Variants in MYOF observed in about 807,000 individuals in gnomAD.
The protein encoded by MYOF is fer-1-like 3, myoferlin.
In MYOF, 244 loss-of-function variants were observed where a neutral mutation model predicts 284.2. The observed-to-expected ratio is 0.86, with a 90% confidence interval of 0.77 to 0.95. MYOF has a LOEUF of 0.95. Among genes scored for constraint, MYOF ranks in the 40% least tolerant of loss-of-function variants. The probability of loss-of-function intolerance (pLI) is 0.00; values close to 1 mark genes in which losing one functional copy is unlikely to be tolerated. For missense variants in MYOF, 2,496 were observed against 2,560.6 expected (o/e 0.97, Z 0.54); for synonymous variants, 904 against 919.7 (o/e 0.98, Z 0.31).
chr10:93,365,324 G>GT (rs1405908986), intron 26 of MYOF, among the ~76,000 whole-genome samples: 1 of 152,194 alleles, frequency 6.6e-6, no homozygotes, highest in Non-Finnish European at 1.5e-5. Context: ...GGGAATGCTG[G>GT]TTCTAATGTT....
rs1842316124 is a variant in MYOF at position 93,310,125 on chromosome 10, C to T, written c.6042G>A (p.Lys2014=). Residue 2014 remains lysine (K), a synonymous_variant, in exon 53 of 54, where the codon AAG becomes AAA. Transcript: ENST00000359263. ...GGCGCCACACGATGAACTTCATGGT[C>T]TTGCATGGGTTGGTGAACCAGAGGA... is the stretch of plus-strand genomic sequence containing the variant. ...TSFLWFTNPC[K]TMKFIVWRRF... 6.2e-7 allele frequency: 1 copy of T among 1,614,138 alleles called. No homozygotes were observed. Among genetic ancestry groups the T allele is most frequent in the Non-Finnish European group, 8.5e-7 (1 of 1,180,030 alleles).
chr10:93,312,348 CTTTTT>C (rs140179021), intron 51 of MYOF, among the ~76,000 whole-genome samples: 1 of 151,068 alleles, frequency 6.6e-6, no homozygotes, highest in East Asian at 2.0e-4. Context: ...TCTTTTTTTT[CTTTTT>C]TATTTTTTTT....
intron 49 of MYOF, among the ~76,000 whole-genome samples, chr10:93,319,615 C>T (rs1842764754): frequency 6.6e-6 from 1 of 152,112 alleles, no homozygotes. Context: ...GTTACTTCTA[C>T]CCTTTATCCT....
chr10:93,404,525 C>G (rs761727489), intron 7 of MYOF, among the ~76,000 whole-genome samples: 8 of 151,316 alleles, frequency 5.3e-5, no homozygotes, highest in Non-Finnish European at 1.2e-4. Context: ...AGATCCAAAG[C>G]TAAGCAGGTA....
At chr10:93,473,107 G>A (rs2057187083) in intron 1 of MYOF, among the ~76,000 whole-genome samples, 1 of 152,184 alleles carries the variant, frequency 6.6e-6, no homozygotes, top group Non-Finnish European at 1.5e-5. Context: ...TTAATTTTTC[G>A]AATCCAAAGG....
intron 1 of MYOF, among the ~76,000 whole-genome samples, chr10:93,480,668 G>T (rs947366827): frequency 1.2e-4 from 18 of 151,682 alleles, no homozygotes; most frequent in African/African-American, 4.4e-4. Context: ...TAGAGATGGG[G>T]TTTTGCCATG....
intron 1 of MYOF, among the ~76,000 whole-genome samples, chr10:93,477,587 G>T (rs992325094): frequency 1.3e-5 from 2 of 151,968 alleles, no homozygotes; most frequent in African/African-American, 2.4e-5. Flanking sequence ...AGTGGCTCAC[G>T]CCTGTAATCC....
intron 3 of MYOF, among the ~76,000 whole-genome samples, chr10:93,446,241 G>A (rs750445827): frequency 5.3e-5 from 8 of 152,290 alleles, no homozygotes; most frequent in Non-Finnish European, 1.0e-4. Context: ...AGTGGAATCT[G>A]CAGGATGAGA....
At chr10:93,324,019 C>T (rs1389776052) in intron 46 of MYOF, among the ~76,000 whole-genome samples, 2 of 152,172 alleles carry the variant, frequency 1.3e-5, no homozygotes, top group Middle Eastern at 3.2e-3. Context: ...CATTAGTGCC[C>T]ACCACCAGGT....
chr10:93,319,756 A>C, intron 49 of MYOF, 116 bp downstream of exon 49: 3 of 1,405,634 alleles, frequency 2.1e-6, no homozygotes, highest in Non-Finnish European at 2.9e-6. Context: ...ATCTCTGCTG[A>C]GAAGGAGCCG....
chr10:93,350,065 T>C, intron 35 of MYOF, 96 bp from the exon 36 acceptor site: 1 of 1,236,072 alleles, frequency 8.1e-7, no homozygotes, highest in Non-Finnish European at 1.1e-6. Flanking sequence ...GCAAAGTCTT[T>C]AAGATTAATT....
rs766420687 is a variant in MYOF, at chr10:93,356,745, C to T, written c.3224G>A (p.Arg1075His). The T allele has an allele frequency of 1.2e-5, 20 of 1,614,042 alleles. No homozygotes were observed. The highest frequency in any genetic ancestry group is 3.3e-5 in the South Asian group (3 of 91,080). ...QRSSDTFRRRRWRRKMAPSET... is the reference protein window; with the variant it reads ...QRSSDTFRRRHWRRKMAPSET... ...TGAAGGAGCCATTTTTCTCCTCCAG[C>T]GTCTGCGGCGGAAGGTATCTGAACT... The change falls in exon 30 of 54, where the codon CGC becomes CAC. Residue 1075 changes from arginine to histidine, a missense_variant. By Grantham distance (29) the Arg-to-His change is conservative (BLOSUM62 0). Transcript: ENST00000359263.
intron 25 of MYOF, among the ~76,000 whole-genome samples, chr10:93,367,819 T>TG (rs1039875676): frequency 1.3e-5 from 2 of 149,402 alleles, no homozygotes; most frequent in African/African-American, 2.5e-5. Context: ...ATCTCGGGGG[T>TG]GGGGGGGAAT....
At chr10:93,344,039 T>G (rs1318479573) in intron 37 of MYOF, 107 bp from the exon 38 acceptor site, 19 of 1,168,882 alleles carry the variant, frequency 1.6e-5, no homozygotes, top group Non-Finnish European at 2.1e-5. Context: ...GTAGAGTTTA[T>G]TCTTGGATGG....
intron 3 of MYOF, 87 bp downstream of exon 3, chr10:93,451,963 C>T (rs12248486): frequency 4.2e-6 from 4 of 947,498 alleles, no homozygotes; most frequent in Admixed American, 2.1e-5. Flanking sequence ...TATTATAATA[C>T]GTTATTAAAG....
chr10:93,396,345 G>T, intron 15 of MYOF, 121 bp from the exon 16 acceptor site: 1 of 672,126 alleles, frequency 1.5e-6, no homozygotes, highest in Non-Finnish European at 2.4e-6. Flanking sequence ...CCAGACTTCA[G>T]AAATAATCAC....
intron 5 of MYOF, among the ~76,000 whole-genome samples, chr10:93,415,647 T>C (rs1848085515): frequency 6.6e-6 from 1 of 152,212 alleles, no homozygotes; most frequent in South Asian, 2.1e-4. Context: ...ATCAATCATC[T>C]ACCTGTATCT....
intron 6 of MYOF, among the ~76,000 whole-genome samples, chr10:93,409,241 C>T (rs1437499881): frequency 6.6e-6 from 1 of 152,178 alleles, no homozygotes; most frequent in Non-Finnish European, 1.5e-5. Flanking sequence ...TGAACTAACT[C>T]CATAGCTGCC....
chr10:93,388,263 C>A (rs911601665), intron 18 of MYOF, among the ~76,000 whole-genome samples: 1 of 152,136 alleles, frequency 6.6e-6, no homozygotes, highest in Admixed American at 6.5e-5. Context: ...CTCCCTTCAC[C>A]GTACTTCAGC....
Sources: allele counts gnomAD v4.1 joint callset (sites outside exome capture counted in the v4.1 genomes callset), GRCh38; gene constraint gnomAD v4.1.1; transcripts MANE v1.5; gene names NCBI Gene and HGNC (gene_info 2026-07-23, HGNC 2026-07-21).